The following USP3 variants were observed in gnomAD, a reference collection of about 807,000 sequenced individuals.
USP3 encodes ubiquitin specific peptidase 3.
A neutral mutation model predicts 72.3 loss-of-function variants in USP3; 20 were observed. That is an observed-to-expected ratio of 0.28 (90% CI 0.19 to 0.40). The LOEUF (loss-of-function observed/expected upper bound fraction) is 0.40. Among genes scored for constraint, USP3 ranks in the 10% least tolerant of loss-of-function variants. USP3 has a pLI of 1.00. For synonymous variants in USP3, 222 were observed against 225.3 expected (o/e 0.99, Z 0.13); for missense variants, 479 against 633.9 (o/e 0.76, Z 2.62).
At chr15:63,560,049 G>A in intron 7 of USP3, 79 bp downstream of exon 7, 1 of 1,222,048 alleles carries the variant, frequency 8.2e-7, no homozygotes, top group Non-Finnish European at 1.1e-6. Flanking sequence ...ATTGTACTAA[G>A]TGAGCTAACA....
chr15:63,517,425 C>T (rs2065865686), intron 1 of USP3, among the ~76,000 whole-genome samples: 2 of 152,056 alleles, frequency 1.3e-5, no homozygotes, highest in African/African-American at 4.8e-5. Flanking sequence ...TCCTGGGTTC[C>T]TCTTTTTCTT....
chr15:63,522,006 A>G lies in USP3; in HGVS notation c.92-10641A>G, dbSNP rs978139547. 7.0e-4 allele frequency among the ~76,000 whole-genome samples: 106 copies of G among 152,248 alleles called. 1 individual carries two copies. Among genetic ancestry groups the G allele is most frequent in the African/African-American group, 2.5e-3 (104 of 41,558 alleles). The stretch of plus-strand genomic sequence containing the variant: ...GCCCAGGCTGGAGTGCAGTGGCGCT[A>G]TCTTAGCTCACAGCAGCCCTTACCT... On this transcript the variant is annotated intron_variant, in intron 1 of 14. Coordinates refer to ENST00000380324, the MANE Select transcript of USP3 (RefSeq NM_006537.4).
intron 11 of USP3, among the ~76,000 whole-genome samples, chr15:63,587,247 C>G (rs1441357481): frequency 6.6e-6 from 1 of 152,120 alleles, no homozygotes; most frequent in Non-Finnish European, 1.5e-5. Flanking sequence ...CTGCACAACT[C>G]TAGGAGAGGC....
intron 7 of USP3, among the ~76,000 whole-genome samples, chr15:63,561,468 C>T (rs192052752): frequency 3.7e-4 from 56 of 152,318 alleles, no homozygotes; most frequent in African/African-American, 5.1e-4. Context: ...TGGTGCCCAG[C>T]GCAGCAGCAG....
chr15:63,537,873 C>T (rs111642201), intron 3 of USP3, among the ~76,000 whole-genome samples: 7,290 of 152,002 alleles, frequency 0.048, 192 homozygotes, highest in Middle Eastern at 0.099. Flanking sequence ...TTAGTAGAGA[C>T]GGAGTTTCAC....
chr15:63,543,243 T>G (rs1259636053), intron 3 of USP3, among the ~76,000 whole-genome samples: 1 of 152,180 alleles, frequency 6.6e-6, no homozygotes, highest in Non-Finnish European at 1.5e-5. Context: ...TCAAAATGTT[T>G]ACTTGGGACA....
At chr15:63,545,840 A>T (rs2066313367) in intron 3 of USP3, among the ~76,000 whole-genome samples, 1 of 151,830 alleles carries the variant, frequency 6.6e-6, no homozygotes, top group Admixed American at 6.6e-5. Flanking sequence ...GCATGGTGGC[A>T]CGTGTCTGTA....
At chr15:63,523,909 G>A (rs2065948051) in intron 1 of USP3, among the ~76,000 whole-genome samples, 1 of 152,182 alleles carries the variant, frequency 6.6e-6, no homozygotes, top group African/African-American at 2.4e-5. Flanking sequence ...ATCCAAAGAA[G>A]CAAAAGGAAG....
In USP3 at chr15:63,570,612, G is replaced by T. The variant is rs1286457505; in HGVS notation, c.908+33G>T. 4 of 1,577,680 alleles carry T rather than the reference G, an allele frequency of 2.5e-6. No homozygotes were observed. Among genetic ancestry groups the T allele is most frequent in the Non-Finnish European group, 3.4e-6 (4 of 1,162,680 alleles). ...TTAGTTGCCTTCTGTTTTTTAGGAG[G>T]GCCTCAGACATTTCTTTTGGTGTTA... On this transcript the variant is annotated intron_variant, in intron 9 of 14. Coordinates refer to ENST00000380324, the MANE Select transcript of USP3 (RefSeq NM_006537.4). This position sits in a 1 kb window ranked among gnomAD's most constrained non-coding sequence, Gnocchi z 4.4.
chr15:63,574,488 A>G lies in USP3; in HGVS notation c.1096+85A>G, dbSNP rs974054833. ...GCTTCATCTATATGTGGTATCTTTA[A>G]TTAATATCTTTAATGAATCTGTGTT... On this transcript the variant is annotated intron_variant, in intron 11 of 14. Coordinates refer to ENST00000380324, the MANE Select transcript of USP3 (RefSeq NM_006537.4). This position sits in a 1 kb window ranked among gnomAD's most constrained non-coding sequence, Gnocchi z 4.6. 2.0e-6 allele frequency: 2 copies of G among 1,016,412 alleles called. No individual in the cohort carries two copies. Among genetic ancestry groups the G allele is most frequent in the African/African-American group, 3.4e-5 (2 of 59,440 alleles). The allele number at this position is 1,016,412 out of a possible 1,614,324, so 63.0% of individuals were successfully genotyped here. A position where few individuals can be genotyped will look rare whatever the true frequency, so the allele number is the denominator to read the frequency against.
chr15:63,532,006 G>C (rs1227592574), intron 1 of USP3, among the ~76,000 whole-genome samples: 1 of 151,874 alleles, frequency 6.6e-6, no homozygotes, highest in African/African-American at 2.4e-5. Flanking sequence ...ATTAAAAAAT[G>C]AATGAGTAGA....
At chr15:63,533,690 T>C in intron 2 of USP3, 1 of 357,148 alleles carries the variant, frequency 2.8e-6, no homozygotes, top group Non-Finnish European at 5.2e-6. Flanking sequence ...GTTTTGATTT[T>C]TCACATTTTG....
At chr15:63,577,537 A>G (rs1333316232) in intron 11 of USP3, among the ~76,000 whole-genome samples, 2 of 152,174 alleles carry the variant, frequency 1.3e-5, no homozygotes, top group Non-Finnish European at 2.9e-5. Flanking sequence ...CAGGCGGATC[A>G]TGAGGTCAGA....
At chr15:63,514,562 C>G (rs1013954747) in intron 1 of USP3, among the ~76,000 whole-genome samples, 1 of 151,888 alleles carries the variant, frequency 6.6e-6, no homozygotes, top group Non-Finnish European at 1.5e-5. Context: ...CTTTTTCCCC[C>G]TCCACTTTGT....
At chr15:63,531,435 A>G (rs1356373772) in intron 1 of USP3, among the ~76,000 whole-genome samples, 2 of 152,174 alleles carry the variant, frequency 1.3e-5, no homozygotes, top group Admixed American at 6.5e-5. Flanking sequence ...AAACTCCATT[A>G]CCTGTAATTT....
At position 63,578,200 on chromosome 15, in the gene USP3, GGGGA is replaced by G. The variant is rs557763020; in HGVS notation, c.1096+3804_1096+3807del. Among the ~76,000 whole-genome samples the G allele has an allele frequency of 9.4e-3, 1,434 of 152,170 alleles. 20 individuals carry two copies. The highest frequency in any genetic ancestry group is 0.033 in the African/African-American group (1,369 of 41,520). ...CCAAGGCAGAATAATGGCTTGAACCGGGGAGGGAGGTTGCAGTGAGCCGAGATCG... is the reference window on the plus strand; with the variant it reads ...CCAAGGCAGAATAATGGCTTGAACCGGGGAGGTTGCAGTGAGCCGAGATCG... On this transcript the variant is annotated intron_variant, in intron 11 of 14. Transcript: ENST00000380324.
chr15:63,560,079 AT>A (rs2066581171), intron 7 of USP3, 109 bp downstream of exon 7: 1 of 908,716 alleles, frequency 1.1e-6, no homozygotes, highest in Non-Finnish European at 1.6e-6. Context: ...CTTAAAAAAA[AT>A]CTTCTAAAAA....
intron 8 of USP3, among the ~76,000 whole-genome samples, chr15:63,566,226 T>C (rs1171754333): frequency 2.6e-5 from 4 of 152,298 alleles, no homozygotes; most frequent in East Asian, 3.9e-4. Context: ...ATAATTCTTA[T>C]ATTTGCTTGC....
chr15:63,584,398 G>A (rs567679921), intron 11 of USP3, among the ~76,000 whole-genome samples: 9 of 152,044 alleles, frequency 5.9e-5, no homozygotes, highest in East Asian at 3.9e-4. Flanking sequence ...GCACCCAGCC[G>A]GTACAAAGGT....
Sources: gnomAD v4.1 joint callset for allele counts (sites outside exome capture counted in the v4.1 genomes callset) on GRCh38, gnomAD v4.1.1 for gene constraint, Gnocchi (gnomAD v3.1) non-coding constraint, MANE v1.5 for transcripts, NCBI Gene and HGNC (gene_info 2026-07-23, HGNC 2026-07-21) for gene names.